GAB1: variants seen among roughly 807,000 people sequenced by gnomAD.
The protein encoded by GAB1 is GRB2 associated binding protein 1, also known as GRB2-associated-binding protein 1.
GAB1 carries 19 observed loss-of-function variants against 66.5 expected under a neutral mutation model. The observed-to-expected ratio is 0.29, with a 90% CI of 0.20 to 0.42. The LOEUF is 0.42. GAB1 is among the 10% of genes least tolerant of loss of function. The pLI, the probability that GAB1 is intolerant of heterozygous loss-of-function variation, is 1.00. For synonymous variants in GAB1, 294 were observed against 301.4 expected (o/e 0.98, Z 0.25); for missense variants, 732 against 858.5 (o/e 0.85, Z 1.84).
At chr4:143,455,973 T>C (rs998454560) in intron 6 of GAB1, among the ~76,000 whole-genome samples, 2 of 152,202 alleles carry the variant, frequency 1.3e-5, no homozygotes, top group African/African-American at 4.8e-5. Context: ...CAACTCTGCC[T>C]CCGGTTAAAG....
At chr4:143,365,978 A>G (rs1729867394) in intron 1 of GAB1, among the ~76,000 whole-genome samples, 2 of 152,212 alleles carry the variant, frequency 1.3e-5, no homozygotes, top group South Asian at 4.1e-4. Context: ...TCATTACATT[A>G]AAATGAATTT....
intron 6 of GAB1, among the ~76,000 whole-genome samples, chr4:143,443,118 G>A (rs1243484358): frequency 2.0e-5 from 3 of 149,222 alleles, no homozygotes; most frequent in Non-Finnish European, 3.0e-5. Context: ...TGGGGTTCAC[G>A]CCATTCTCCT....
chr4:143,403,337 G>A (rs1258868741), intron 1 of GAB1, among the ~76,000 whole-genome samples: 5 of 152,078 alleles, frequency 3.3e-5, no homozygotes, highest in Admixed American at 3.3e-4. Flanking sequence ...TACAGCCGCT[G>A]TTATTTTCAG....
intron 9 of GAB1, among the ~76,000 whole-genome samples, 177 bp from the exon 10 acceptor site, chr4:143,468,854 C>T (rs899760903): frequency 6.6e-5 from 10 of 151,922 alleles, no homozygotes; most frequent in African/African-American, 2.4e-4. Context: ...ACCCAGGAGG[C>T]GGAGGTTGCA....
intron 2 of GAB1, chr4:143,425,475 A>G: frequency 1.3e-6 from 1 of 760,798 alleles, no homozygotes; most frequent in East Asian, 2.4e-5. Flanking sequence ...TAACCTACCT[A>G]CCATTGCTCT....
At chr4:143,449,758 T>C (rs951954446) in intron 6 of GAB1, among the ~76,000 whole-genome samples, 13 of 152,350 alleles carry the variant, frequency 8.5e-5, no homozygotes, top group Admixed American at 7.8e-4. Flanking sequence ...TGCCAGTCTG[T>C]GTCTTTCAAT....
At chr4:143,418,619 G>A (rs1437865039) in intron 2 of GAB1, among the ~76,000 whole-genome samples, 1 of 152,142 alleles carries the variant, frequency 6.6e-6, no homozygotes, top group Non-Finnish European at 1.5e-5. Context: ...TTTTGTCTCT[G>A]TTGGTTGTCT....
At chr4:143,372,596 G>A (rs1730178198) in intron 1 of GAB1, among the ~76,000 whole-genome samples, 1 of 152,222 alleles carries the variant, frequency 6.6e-6, no homozygotes, top group African/African-American at 2.4e-5. Context: ...ACTGTGTAAT[G>A]CAGTGGCCAA....
At chr4:143,347,122 G>T (rs758546574) in intron 1 of GAB1, among the ~76,000 whole-genome samples, 1 of 152,058 alleles carries the variant, frequency 6.6e-6, no homozygotes, top group Admixed American at 6.6e-5. Context: ...ATCATTCTTC[G>T]GTGTTTGTAA....
At position 143,453,985 on chromosome 4, in the gene GAB1, T is replaced by G. The variant is rs543220839; in HGVS notation, c.1586-5400T>G. Among the ~76,000 whole-genome samples, 23 of 152,316 alleles carry G rather than the reference T, an allele frequency of 1.5e-4. No homozygotes were observed. In the South Asian group the frequency reaches 4.2e-3, roughly 28 times the overall value. On this transcript the variant is annotated intron_variant, in intron 6 of 9. Coordinates refer to ENST00000262994, the MANE Select transcript of GAB1 (RefSeq NM_002039.4). The stretch of plus-strand genomic sequence containing the variant: ...TGTAATGGCATTTCTCTGGGCAGTC[T>G]TAGAGAATGTATTCTAACTTGAGCT...
chr4:143,355,034 A>C (rs1231584432), intron 1 of GAB1, among the ~76,000 whole-genome samples: 1 of 152,220 alleles, frequency 6.6e-6, no homozygotes, highest in African/African-American at 2.4e-5. Flanking sequence ...GTTTTTCTAA[A>C]CCATGTACTT....
rs1374585359 is a variant in GAB1, at chr4:143,446,435, C to G, written c.1585+6053C>G. Among the ~76,000 whole-genome samples, 719 of 151,268 alleles carry G rather than the reference C, an allele frequency of 4.8e-3. 6 individuals carry two copies. The highest frequency in any genetic ancestry group is 0.017 in the African/African-American group (695 of 41,410). On this transcript the variant is annotated intron_variant, in intron 6 of 9. Transcript: ENST00000262994. ...ACAGTGTAAAAGTGTTCCTATTTCT[C>G]CACATCCTCTCCAGCACCTGTTGTT...
chr4:143,350,281 A>G (rs892029074), intron 1 of GAB1, among the ~76,000 whole-genome samples: 13 of 152,232 alleles, frequency 8.5e-5, no homozygotes, highest in African/African-American at 2.9e-4. Flanking sequence ...AGTTGACAGC[A>G]TATGTCAACT....
Position 143,407,760 on chromosome 4 carries a change from T to C in GAB1, c.73-7717T>C, listed in dbSNP as rs28925886. Reference sequence around the variant, plus strand: ...CCTTATTTTGCTCTATGAGAAAAGATGGTGCTTCCTGGAAAACAACTCAAG... The same window carrying C: ...CCTTATTTTGCTCTATGAGAAAAGACGGTGCTTCCTGGAAAACAACTCAAG... On this transcript the variant is annotated intron_variant, in intron 1 of 9. Transcript: ENST00000262994. 9.2e-5 allele frequency among the ~76,000 whole-genome samples: 14 copies of C among 152,310 alleles called. No individual in the cohort carries two copies. The East Asian group carries it at 2.3e-3, about 25-fold the overall frequency.
intron 1 of GAB1, among the ~76,000 whole-genome samples, chr4:143,408,940 A>C (rs17017745): frequency 0.049 from 7,485 of 152,260 alleles, 201 homozygotes; most frequent in African/African-American, 0.053. Flanking sequence ...GGTAGAAGGG[A>C]AGTTGGCTCA....
At chr4:143,448,133 A>T (rs1734671621) in intron 6 of GAB1, among the ~76,000 whole-genome samples, 1 of 151,910 alleles carries the variant, frequency 6.6e-6, no homozygotes, top group African/African-American at 2.4e-5. Context: ...CATCCCAGGG[A>T]TGAAGCCCAC....
At chr4:143,433,425 G>A in intron 2 of GAB1, 66 bp from the exon 3 acceptor site, 1 of 1,097,760 alleles carries the variant, frequency 9.1e-7, no homozygotes, top group Admixed American at 1.8e-5. Flanking sequence ...TGTCTCCAAA[G>A]TAGCTTTGTT....
At chr4:143,467,347 C>T (rs1205607138) in intron 9 of GAB1, among the ~76,000 whole-genome samples, 1 of 152,196 alleles carries the variant, frequency 6.6e-6, no homozygotes, top group African/African-American at 2.4e-5. Flanking sequence ...CACTACAATA[C>T]GTCTAGACAT....
chr4:143,425,482 C>G (rs933905804), intron 2 of GAB1: 7 of 761,168 alleles, frequency 9.2e-6, no homozygotes, highest in Non-Finnish European at 1.7e-5. Context: ...CCTACCATTG[C>G]TCTGTGTAAC....
Sources: allele counts gnomAD v4.1 joint callset (sites outside exome capture counted in the v4.1 genomes callset), GRCh38; gene constraint gnomAD v4.1.1; transcripts MANE v1.5; gene names NCBI Gene and HGNC (gene_info 2026-07-23, HGNC 2026-07-21).